MEGF11: variants seen among roughly 807,000 people sequenced by gnomAD.
MEGF11 encodes multiple epidermal growth factor-like domains protein 11.
In MEGF11, 126 loss-of-function variants were observed where a neutral mutation model predicts 146.6. The observed-to-expected ratio is 0.86, with a 90% CI of 0.74 to 1.00. The LOEUF is 1.00. Ranked by LOEUF, MEGF11 falls within the 50% of genes least tolerant of loss-of-function variation. The pLI, the probability that MEGF11 is intolerant of heterozygous loss-of-function variation, is 0.00. For missense variants in MEGF11, 1,509 were observed against 1,521.2 expected (o/e 0.99, Z 0.13); for synonymous variants, 532 against 583.4 (o/e 0.91, Z 1.27).
chr15:66,245,914 C>A (rs577128082), intron 1 of MEGF11, among the ~76,000 whole-genome samples: 2 of 152,114 alleles, frequency 1.3e-5, no homozygotes, highest in South Asian at 2.1e-4. Context: ...AGGACCTGAG[C>A]AAAGAAGATT....
chr15:66,230,774 T>C (rs1221543245), intron 1 of MEGF11, among the ~76,000 whole-genome samples: 2 of 152,176 alleles, frequency 1.3e-5, no homozygotes, highest in Middle Eastern at 3.2e-3. Context: ...CTCCAAAATT[T>C]TTCATTGTAA....
At chr15:65,972,315 A>G (rs150857078) in intron 7 of MEGF11, among the ~76,000 whole-genome samples, 99 of 152,338 alleles carry the variant, frequency 6.5e-4, no homozygotes, top group African/African-American at 2.2e-3. Context: ...AAGGCCTACA[A>G]AGTCTTTAGC....
At chr15:66,177,628 A>G (rs1182452343) in intron 1 of MEGF11, among the ~76,000 whole-genome samples, 4 of 150,962 alleles carry the variant, frequency 2.6e-5, no homozygotes, top group African/African-American at 9.7e-5. Context: ...CCAAAAAGCA[A>G]CTCAGAGCAC....
At chr15:66,155,213 CT>C (rs1295489355) in intron 1 of MEGF11, among the ~76,000 whole-genome samples, 5 of 152,172 alleles carry the variant, frequency 3.3e-5, no homozygotes, top group African/African-American at 1.2e-4. Context: ...AGGTCACCCC[CT>C]GTGCAGTAAT....
intron 1 of MEGF11, among the ~76,000 whole-genome samples, chr15:66,218,992 A>AAAAAAAAAAAAAC: frequency 1.3e-5 from 2 of 151,314 alleles, no homozygotes; most frequent in African/African-American, 4.9e-5. Context: ...AAAAAAAAAA[A>AAAAAAAAAAAAAC]AAAACCTTAA....
rs118110320 is a variant in MEGF11 at position 65,914,703 on chromosome 15, G to A, written c.2474-730C>T. 2.6e-4 allele frequency among the ~76,000 whole-genome samples: 40 copies of A among 152,322 alleles called. No homozygotes were observed. The East Asian group carries it at 7.5e-3, about 29-fold the overall frequency. Reference sequence around the variant, plus strand: ...TGAGCTGGCCAACATCACTAGGGAGGTAAATGTGCTGCAATATCGTTCTCA... The same window carrying A: ...TGAGCTGGCCAACATCACTAGGGAGATAAATGTGCTGCAATATCGTTCTCA... On this transcript the variant is annotated intron_variant, in intron 19 of 25. Transcript: ENST00000395614.
chr15:66,074,861 AG>A (rs1166968767), intron 5 of MEGF11, among the ~76,000 whole-genome samples: 1 of 152,170 alleles, frequency 6.6e-6, no homozygotes, highest in Non-Finnish European at 1.5e-5. Context: ...TGGGGGTCAT[AG>A]GGTGGCATCT....
intron 5 of MEGF11, among the ~76,000 whole-genome samples, chr15:66,052,155 G>A (rs955185800): frequency 5.3e-5 from 8 of 152,176 alleles, no homozygotes; most frequent in African/African-American, 1.7e-4. Flanking sequence ...AGAGGCATTA[G>A]CCTTCTTAAT....
At chr15:66,067,574 T>C (rs927123755) in intron 5 of MEGF11, among the ~76,000 whole-genome samples, 1 of 152,220 alleles carries the variant, frequency 6.6e-6, no homozygotes, top group African/African-American at 2.4e-5. Context: ...GTGGGACCCT[T>C]TGCCTTTGGC....
At position 65,912,094 on chromosome 15, in the gene MEGF11, G is replaced by C; in HGVS notation, c.2817C>G (p.Asn939Lys). Reference protein sequence around the residue: ...ATSQASTLDRNSPTKLSNKSL... With the variant: ...ATSQASTLDRKSPTKLSNKSL... ...AGGGGCCCGGTACCTTGGTGGGGCT[G>C]TTCCTGTCCAGAGTGCTGGCCTGGC... The change falls in exon 21 of 26, where the codon AAC (asparagine) becomes AAG (lysine). Residue 939 changes from asparagine to lysine, a missense_variant. Transcript: ENST00000395614. The C allele has an allele frequency of 8.1e-7, 1 of 1,232,024 alleles. No individual in the cohort carries two copies. Among genetic ancestry groups the C allele is most frequent in the Non-Finnish European group, 1.0e-6 (1 of 987,882 alleles). The allele number at this position is 1,232,024 out of a possible 1,614,324, so 76.3% of individuals were successfully genotyped here.
chr15:66,063,728 G>GC (rs1383694017), intron 5 of MEGF11, among the ~76,000 whole-genome samples: 2 of 152,194 alleles, frequency 1.3e-5, no homozygotes, highest in African/African-American at 4.8e-5. Flanking sequence ...TAGCCTGCAA[G>GC]CTCTCTACAC....
At position 66,199,910 on chromosome 15, in the gene MEGF11, A is replaced by AAAAATAAAATAAAAT. The variant is rs59958390; in HGVS notation, c.-9+53680_-9+53694dup. On this transcript the variant is annotated intron_variant, in intron 1 of 25. Coordinates refer to ENST00000395614, the MANE Select transcript of MEGF11 (RefSeq NM_001385028.1). Reference sequence around the variant, plus strand: ...AAATATCTACCAGTAGGGGTTTGGCAAAAATAAAATAAAATAAAATAAAAT... The same window carrying AAAAATAAAATAAAAT: ...AAATATCTACCAGTAGGGGTTTGGCAAAAATAAAATAAAATAAAATAAAATAAAATAAAATAAAAT... 4.2e-3 allele frequency among the ~76,000 whole-genome samples: 635 copies of AAAAATAAAATAAAAT among 151,310 alleles called. 3 individuals carry two copies. The highest frequency in any genetic ancestry group is 0.014 in the African/African-American group (570 of 41,110).
chr15:66,160,248 T>TCTCTCC (rs2089904083), intron 1 of MEGF11, among the ~76,000 whole-genome samples: 1 of 117,298 alleles, frequency 8.5e-6, no homozygotes, highest in Non-Finnish European at 1.8e-5. Flanking sequence ...AAGCCCTCTC[T>TCTCTCC]CTCTCTCTCT....
chr15:66,042,010 C>T (rs1012841025), intron 5 of MEGF11, among the ~76,000 whole-genome samples: 6 of 152,110 alleles, frequency 3.9e-5, no homozygotes, highest in African/African-American at 1.4e-4. Context: ...AGATCCTCGA[C>T]CCCCAGGACA....
intron 5 of MEGF11, among the ~76,000 whole-genome samples, chr15:66,090,705 T>A (rs2086286463): frequency 6.6e-6 from 1 of 152,244 alleles, no homozygotes; most frequent in South Asian, 2.1e-4. Context: ...ACAACCTCAA[T>A]GTCCATCAAC....
At chr15:66,040,913 CT>C (rs11374661) in intron 5 of MEGF11, among the ~76,000 whole-genome samples, 398 of 144,728 alleles carry the variant, frequency 2.7e-3, no homozygotes, top group African/African-American at 9.5e-3. Flanking sequence ...GAGGAAGGGA[CT>C]TTTTTTTTTT....
intron 13 of MEGF11, among the ~76,000 whole-genome samples, chr15:65,924,093 C>T (rs2079275100): frequency 2.0e-5 from 3 of 151,422 alleles, no homozygotes; most frequent in Admixed American, 2.0e-4. Context: ...GCCCAGTGAA[C>T]AGAGCCAGCC....
At chr15:66,011,514 T>A in intron 5 of MEGF11, among the ~76,000 whole-genome samples, 1 of 152,070 alleles carries the variant, frequency 6.6e-6, no homozygotes, top group East Asian at 1.9e-4. Context: ...AGAGCCCTCA[T>A]CTTCCCACAC....
chr15:65,985,915 G>A (rs2081838963), intron 5 of MEGF11, among the ~76,000 whole-genome samples: 1 of 151,692 alleles, frequency 6.6e-6, no homozygotes, highest in African/African-American at 2.4e-5. Flanking sequence ...TGGCATGTGA[G>A]TGTGTGTGTA....
Sources: gnomAD v4.1 joint callset for allele counts (sites outside exome capture counted in the v4.1 genomes callset) on GRCh38, gnomAD v4.1.1 for gene constraint, MANE v1.5 for transcripts, NCBI Gene and HGNC (gene_info 2026-07-23, HGNC 2026-07-21) for gene names.